Variants in RGS6 observed in about 807,000 individuals in gnomAD.
RGS6 encodes the protein regulator of G protein signaling 6.
Under a neutral mutation model 78.5 loss-of-function variants are expected in RGS6, and 30 were observed. That is an observed-to-expected ratio of 0.38 (90% confidence interval 0.29 to 0.52). RGS6 has a LOEUF of 0.52. Ranked by LOEUF, RGS6 falls within the 20% of genes least tolerant of loss-of-function variation. The pLI, the probability that RGS6 is intolerant of heterozygous loss-of-function variation, is 0.85. For synonymous variants in RGS6, 206 were observed against 206.0 expected, an observed-to-expected ratio of 1.00 and a Z score of 0.00; for missense variants, 495 against 609.7, an observed-to-expected ratio of 0.81 and a Z score of 1.98.
intron 3 of RGS6, among the ~76,000 whole-genome samples, chr14:72,355,776 G>C (rs1169796608): frequency 6.6e-6 from 1 of 152,148 alleles, no homozygotes; most frequent in Non-Finnish European, 1.5e-5. Context: ...GATGACATTT[G>C]AGTAAAGACG....
chr14:72,282,066 T>A (rs2061679380), intron 2 of RGS6, among the ~76,000 whole-genome samples: 1 of 152,168 alleles, frequency 6.6e-6, no homozygotes, highest in Non-Finnish European at 1.5e-5. Flanking sequence ...GTGCATTGGA[T>A]CATTCATGGA....
the RGS6 span, among the ~76,000 whole-genome samples, chr14:72,585,179 A>G: frequency 6.6e-6 from 1 of 151,940 alleles, no homozygotes; most frequent in Non-Finnish European, 1.5e-5. Context: ...TTTAGTCTCA[A>G]CTCTCTGAAA....
At chr14:72,586,190 G>A in the RGS6 span, among the ~76,000 whole-genome samples, 2 of 152,144 alleles carry the variant, frequency 1.3e-5, no homozygotes, top group Admixed American at 6.5e-5. Flanking sequence ...GCTATGGCTT[G>A]GATATGGTCT....
At chr14:72,069,519 T>C (rs1375020109) in intron 2 of RGS6, among the ~76,000 whole-genome samples, 1 of 152,188 alleles carries the variant, frequency 6.6e-6, no homozygotes, top group Non-Finnish European at 1.5e-5. Flanking sequence ...TTTTTAAAAA[T>C]TATTAATCAT....
chr14:72,556,713 G>GA (rs11393975), intron 17 of RGS6, among the ~76,000 whole-genome samples: 39,342 of 143,452 alleles, frequency 0.27, 6,148 homozygotes, highest in African/African-American at 0.41. Flanking sequence ...GCTGTTGCAA[G>GA]AAAAAAAAAT....
At chr14:71,939,462 C>G (rs1017318019) in intron 1 of RGS6, among the ~76,000 whole-genome samples, 4 of 152,184 alleles carry the variant, frequency 2.6e-5, no homozygotes, top group African/African-American at 9.7e-5. Flanking sequence ...TGATCAAGGT[C>G]TCTCTGAATA....
At chr14:71,928,111 C>T (rs922597136), upstream of RGS6, among the ~76,000 whole-genome samples, 1 of 152,164 alleles carries the variant, frequency 6.6e-6, no homozygotes, top group Admixed American at 6.5e-5. Flanking sequence ...CCTGCCTCAG[C>T]TTTCTGAGTT....
At chr14:72,160,364 A>T (rs2096835833) in intron 2 of RGS6, among the ~76,000 whole-genome samples, 1 of 152,198 alleles carries the variant, frequency 6.6e-6, no homozygotes, top group Non-Finnish European at 1.5e-5. Context: ...ATCAAATGTC[A>T]TAGGAGAGGA....
chr14:71,875,187 T>A, the RGS6 span, among the ~76,000 whole-genome samples: 1 of 152,194 alleles, frequency 6.6e-6, no homozygotes, highest in Admixed American at 6.5e-5. Flanking sequence ...TTCCCTCTTT[T>A]TCTATTGATT....
At chr14:71,997,636 A>G (rs927347249) in intron 2 of RGS6, among the ~76,000 whole-genome samples, 1 of 152,206 alleles carries the variant, frequency 6.6e-6, no homozygotes, top group Non-Finnish European at 1.5e-5. Context: ...AGAAGGGAAG[A>G]GAGCCAGGGT....
intron 2 of RGS6, among the ~76,000 whole-genome samples, chr14:72,025,490 A>G (rs1479665550): frequency 3.9e-5 from 6 of 152,158 alleles, no homozygotes; most frequent in Non-Finnish European, 8.8e-5. Flanking sequence ...AACCTCTGAG[A>G]GAGGTTGAAG....
intron 2 of RGS6, among the ~76,000 whole-genome samples, chr14:72,334,862 C>T (rs1261344415): frequency 1.3e-5 from 2 of 152,178 alleles, no homozygotes; most frequent in African/African-American, 2.4e-5. Flanking sequence ...TTCCACTCAA[C>T]TGCTACCCAC....
At chr14:72,130,388 C>T (rs987756342) in intron 2 of RGS6, among the ~76,000 whole-genome samples, 7 of 152,282 alleles carry the variant, frequency 4.6e-5, no homozygotes, top group African/African-American at 1.4e-4. Context: ...ACTCAATCTC[C>T]AGTCCCTGTC....
chr14:72,370,571 A>G (rs565099109), intron 3 of RGS6, among the ~76,000 whole-genome samples: 1 of 152,198 alleles, frequency 6.6e-6, no homozygotes, highest in African/African-American at 2.4e-5. Context: ...ACATCAGGGT[A>G]AACATGTGTT....
At chr14:72,299,298 A>C (rs566188490) in intron 2 of RGS6, among the ~76,000 whole-genome samples, 77 of 152,332 alleles carry the variant, frequency 5.1e-4, no homozygotes, top group African/African-American at 1.8e-3. Flanking sequence ...GCCTTAGGCT[A>C]CCACTCCTCT....
At chr14:72,492,113 A>G (rs777671919) in intron 12 of RGS6, among the ~76,000 whole-genome samples, 2 of 152,238 alleles carry the variant, frequency 1.3e-5, no homozygotes, top group Non-Finnish European at 2.9e-5. Flanking sequence ...ACCTTTCCTC[A>G]TCTACCATAA....
the RGS6 span, among the ~76,000 whole-genome samples, chr14:71,890,294 C>T: frequency 5.3e-5 from 8 of 150,366 alleles, no homozygotes; most frequent in Non-Finnish European, 7.4e-5. Context: ...GAATGACAGC[C>T]GGTAGGATTA....
intron 17 of RGS6, chr14:72,550,590 G>A: frequency 6.5e-7 from 1 of 1,535,152 alleles, no homozygotes; most frequent in Admixed American, 2.0e-5. Flanking sequence ...AGTGGTGGGG[G>A]AATTCTGATA....
chr14:71,929,909 T>A (rs144837364), upstream of RGS6, among the ~76,000 whole-genome samples: 271 of 152,354 alleles, frequency 1.8e-3, 1 homozygote, highest in African/African-American at 6.1e-3. Context: ...CCCTTCAAGC[T>A]GACTTCTGTC....
Sources: gnomAD v4.1 joint callset for allele counts (sites outside exome capture counted in the v4.1 genomes callset) on GRCh38, gnomAD v4.1.1 for gene constraint, MANE v1.5 for transcripts, NCBI Gene and HGNC (gene_info 2026-07-23, HGNC 2026-07-21) for gene names.